XKR4: variants seen among roughly 807,000 people sequenced by gnomAD.
The protein encoded by XKR4 is XK-related protein 4.
In XKR4, 12 loss-of-function variants were observed where a neutral mutation model predicts 53.9. That is an observed-to-expected ratio of 0.22 (90% CI 0.14 to 0.36). The LOEUF (loss-of-function observed/expected upper bound fraction) is 0.36. XKR4 is among the 10% of genes least tolerant of loss of function. The pLI is 1.00. For synonymous variants in XKR4, 354 were observed against 362.4 expected (o/e 0.98, Z 0.26); for missense variants, 799 against 859.5 (o/e 0.93, Z 0.88).
chr8:55,499,430 A>G (rs147343773), intron 2 of XKR4, among the ~76,000 whole-genome samples: 268 of 152,316 alleles, frequency 1.8e-3, no homozygotes, highest in African/African-American at 6.2e-3. Context: ...TTGGGACCCC[A>G]AGGACAGAGT....
At chr8:55,385,708 T>A (rs2622548) in intron 2 of XKR4, among the ~76,000 whole-genome samples, 104,405 of 152,108 alleles carry the variant, frequency 0.69, 36,868 homozygotes, top group African/African-American at 0.86. Context: ...ATATTTGTTT[T>A]AAAAAATTGG....
At chr8:55,243,103 C>G (rs2129368518) in intron 1 of XKR4, among the ~76,000 whole-genome samples, 1 of 152,268 alleles carries the variant, frequency 6.6e-6, no homozygotes, top group African/African-American at 2.4e-5. Flanking sequence ...ATACCATCTA[C>G]CCCTGCACAT....
intron 2 of XKR4, among the ~76,000 whole-genome samples, chr8:55,438,622 T>G (rs1377255188): frequency 6.7e-6 from 1 of 148,340 alleles, no homozygotes; most frequent in African/African-American, 2.5e-5. Context: ...GAGAGACTTA[T>G]AAAAGAAGAT....
chr8:55,533,182 T>C lies in XKR4; in HGVS notation c.*8955T>C, dbSNP rs975608294. 3.3e-5 allele frequency: 5 copies of C among 152,318 alleles called. No homozygotes were observed. Among genetic ancestry groups the C allele is most frequent in the African/African-American group, 9.6e-5 (4 of 41,568 alleles). 9.4% of individuals were successfully genotyped at this position (152,318 alleles called of 1,614,324 possible). A position where few individuals can be genotyped will look rare whatever the true frequency, so the allele number is the denominator to read the frequency against. ...ACGCATCTTAACACCAGCATTGCCA[T>C]TGTGAGTCTAGAAAATGAGCACTTT... On this transcript the variant is annotated 3_prime_UTR_variant, in exon 3 of 3. Coordinates refer to ENST00000327381, the MANE Select transcript of XKR4 (RefSeq NM_052898.2).
intron 1 of XKR4, among the ~76,000 whole-genome samples, chr8:55,117,916 A>G (rs374697178): frequency 1.3e-5 from 2 of 152,184 alleles, no homozygotes; most frequent in African/African-American, 4.8e-5. Flanking sequence ...TTGGACTCAA[A>G]TTTGAGTCTT....
chr8:55,218,270 A>C (rs1817832353), intron 1 of XKR4, among the ~76,000 whole-genome samples: 1 of 152,238 alleles, frequency 6.6e-6, no homozygotes, highest in Admixed American at 6.5e-5. Flanking sequence ...CAAGTGATAT[A>C]ATTATGTCAT....
At chr8:55,120,055 T>A (rs549686819) in intron 1 of XKR4, among the ~76,000 whole-genome samples, 19 of 152,182 alleles carry the variant, frequency 1.2e-4, no homozygotes, top group Middle Eastern at 3.2e-3. Context: ...TTTACAATGG[T>A]GCATGAACAT....
chr8:55,477,691 C>G (rs575746357), intron 2 of XKR4, among the ~76,000 whole-genome samples: 1 of 137,614 alleles, frequency 7.3e-6, no homozygotes, highest in Non-Finnish European at 1.5e-5. Flanking sequence ...CTAGGATAAC[C>G]AACGCAGAGA....
At chr8:55,226,264 C>G (rs144293902) in intron 1 of XKR4, among the ~76,000 whole-genome samples, 1 of 152,068 alleles carries the variant, frequency 6.6e-6, no homozygotes, top group Non-Finnish European at 1.5e-5. Context: ...AAAATAAAAG[C>G]AAGAGTATAA....
rs140253629 is a variant in XKR4, at chr8:55,523,891, A to G, written c.1617A>G (p.Pro539=). ...CAGCCGCTGCCTTCACTTTGCCCCC[A>G]GACGTGGCCACAAGCACCCTACGGT... The part of the protein sequence containing the change: ...EDPAAAFTLP[P]DVATSTLRSI... Residue 539 remains proline, a synonymous_variant, in exon 3 of 3, where the codon CCA becomes CCG. Coordinates refer to ENST00000327381, the MANE Select transcript of XKR4 (RefSeq NM_052898.2). 156 of 1,614,048 alleles carry G rather than the reference A, an allele frequency of 9.7e-5. 1 individual carries two copies. Among genetic ancestry groups the G allele is most frequent in the Middle Eastern group, 3.3e-4 (2 of 6,084 alleles).
chr8:55,403,444 G>T (rs1202224790), intron 2 of XKR4, among the ~76,000 whole-genome samples: 2 of 152,166 alleles, frequency 1.3e-5, no homozygotes, highest in Non-Finnish European at 2.9e-5. Flanking sequence ...TGTTTTTTAG[G>T]CACCTGTCAG....
chr8:55,368,121 C>T (rs1804019807), intron 2 of XKR4, among the ~76,000 whole-genome samples: 1 of 152,034 alleles, frequency 6.6e-6, no homozygotes, highest in Non-Finnish European at 1.5e-5. Flanking sequence ...CCACCACACC[C>T]AGCTAATTTT....
Position 55,507,448 on chromosome 8 carries a change from C to T in XKR4, c.1007-15833C>T, listed in dbSNP as rs539493556. On this transcript the variant is annotated intron_variant, in intron 2 of 2. Transcript: ENST00000327381. ...CATGTGCCATGTTGTTGTGCTGCAC[C>T]CAGTAACTCATCATTTAACATCAGG... Among the ~76,000 whole-genome samples the T allele has an allele frequency of 2.6e-4, 39 of 151,860 alleles. 1 individual carries two copies. Among genetic ancestry groups the T allele is most frequent in the Non-Finnish European group, 2.2e-4 (15 of 67,990 alleles).
rs771720239 is a variant in XKR4, at chr8:55,102,492, G to T, written c.4G>T (p.Ala2Ser). 6.5e-7 allele frequency: 1 copy of T among 1,548,588 alleles called. No homozygotes were observed. The highest frequency in any genetic ancestry group is 2.6e-5 in the East Asian group (1 of 38,456). The stretch of plus-strand genomic sequence containing the variant: ...TCTCCTCCGGTGTGGAGGCATCATG[G>T]CCGCTAAATCAGACGGGAGGCTGAA... MAAKSDGRLKMK... is the reference protein window; with the variant it reads MSAKSDGRLKMK... Residue 2 changes from alanine to serine, a missense_variant, in exon 1 of 3, where the codon GCC becomes TCC. By Grantham distance (99) the Ala-to-Ser change is moderately conservative. Coordinates refer to ENST00000327381, the MANE Select transcript of XKR4 (RefSeq NM_052898.2). This position sits in a 1 kb window ranked among gnomAD's most constrained non-coding sequence, Gnocchi z 5.1.
intron 2 of XKR4, among the ~76,000 whole-genome samples, chr8:55,420,428 C>A (rs1804910063): frequency 6.6e-6 from 1 of 150,742 alleles, no homozygotes; most frequent in South Asian, 2.1e-4. Flanking sequence ...AAATGTGGCA[C>A]ATATACACCA....
At chr8:55,437,958 A>G (rs1376846711) in intron 2 of XKR4, among the ~76,000 whole-genome samples, 2 of 117,218 alleles carry the variant, frequency 1.7e-5, no homozygotes, top group African/African-American at 4.2e-5. Flanking sequence ...AACAAACAAA[A>G]AAAAAAAAGA....
At chr8:55,289,304 G>T (rs1192340899) in intron 1 of XKR4, among the ~76,000 whole-genome samples, 4 of 151,870 alleles carry the variant, frequency 2.6e-5, no homozygotes, top group African/African-American at 9.7e-5. Flanking sequence ...ATCACTTGAG[G>T]TCAGGAGTTT....
chr8:55,454,141 C>T, intron 2 of XKR4: 1 of 902,466 alleles, frequency 1.1e-6, no homozygotes, highest in Non-Finnish European at 1.9e-6. Flanking sequence ...CCAACTCCAG[C>T]TCCGGGTCCA....
intron 1 of XKR4, among the ~76,000 whole-genome samples, chr8:55,291,666 T>C (rs1819022965): frequency 6.6e-6 from 1 of 152,204 alleles, no homozygotes; most frequent in South Asian, 2.1e-4. Context: ...TCATTACATG[T>C]ATGTAGAAAT....
Sources: gnomAD v4.1 joint callset for allele counts (sites outside exome capture counted in the v4.1 genomes callset) on GRCh38, gnomAD v4.1.1 for gene constraint, Gnocchi (gnomAD v3.1) non-coding constraint, MANE v1.5 for transcripts, NCBI Gene and HGNC (gene_info 2026-07-23, HGNC 2026-07-21) for gene names.